Variants in ABCG2 observed in about 807,000 individuals in gnomAD.
The protein encoded by ABCG2 is broad substrate specificity ATP-binding cassette transporter ABCG2.
In ABCG2, 80 loss-of-function variants were observed where a neutral mutation model predicts 73.5. The ratio of observed to expected loss-of-function variants is 1.09; its 90% CI spans 0.91 to 1.31. ABCG2 has a LOEUF of 1.31. ABCG2 is among the 50% of genes most tolerant of loss of function. The pLI is 0.00. For synonymous variants in ABCG2, 269 were observed against 282.4 expected (o/e 0.95, Z 0.48); for missense variants, 796 against 786.2 (o/e 1.01, Z -0.15).
chr4:88,162,037 A>G (rs971867184), upstream of ABCG2, among the ~76,000 whole-genome samples: 9 of 151,806 alleles, frequency 5.9e-5, no homozygotes, highest in Non-Finnish European at 1.0e-4. Flanking sequence ...TTTTCTTGTA[A>G]ATTTGTACAA....
At chr4:88,119,697 C>G (rs1406932074) in intron 6 of ABCG2, among the ~76,000 whole-genome samples, 1 of 152,112 alleles carries the variant, frequency 6.6e-6, no homozygotes, top group Admixed American at 6.5e-5. Flanking sequence ...TGATTTAGAG[C>G]ATCTGGTAGA....
chr4:88,154,339 G>GTCC (rs1726769834), intron 1 of ABCG2, among the ~76,000 whole-genome samples: 3 of 152,198 alleles, frequency 2.0e-5, no homozygotes, highest in Admixed American at 2.0e-4. Context: ...GAGGACCCTT[G>GTCC]TGTAGTGAGG....
intron 1 of ABCG2, among the ~76,000 whole-genome samples, chr4:88,216,891 C>T (rs370173912): frequency 9.0e-4 from 137 of 151,874 alleles, no homozygotes; most frequent in African/African-American, 3.1e-3. Flanking sequence ...ATTAGCTGGG[C>T]GTGGTGGTGG....
At position 88,121,707 on chromosome 4, in the gene ABCG2, A is replaced by G; in HGVS notation, c.617T>C (p.Ile206Thr). 2 of 1,614,114 alleles carry G rather than the reference A, an allele frequency of 1.2e-6. No individual in the cohort carries two copies. The highest frequency in any genetic ancestry group is 8.5e-7 in the Non-Finnish European group (1 of 1,179,972). Residue 206 changes from isoleucine (I) to threonine (T), a missense_variant, in exon 6 of 16, where the codon ATC (isoleucine) becomes ACC (threonine). Ile to Thr is a moderately conservative substitution (Grantham distance 89). Coordinates refer to ENST00000237612, the MANE Select transcript of ABCG2 (RefSeq NM_004827.3). Reference protein sequence around the residue: ...IGMELITDPSILFLDEPTTGL... With the variant: ...IGMELITDPSTLFLDEPTTGL... Reference sequence around the variant, plus strand: ...AGTTGTAGGCTCATCCAAGAACAAGATGGAAGGATCAGTGATAAGCTCCAT... The same window carrying G: ...AGTTGTAGGCTCATCCAAGAACAAGGTGGAAGGATCAGTGATAAGCTCCAT...
chr4:88,179,659 A>G (rs888806508), intron 1 of ABCG2, among the ~76,000 whole-genome samples: 4 of 152,254 alleles, frequency 2.6e-5, no homozygotes, highest in African/African-American at 9.6e-5. Flanking sequence ...AATGAAATTC[A>G]AGATAACACA....
At chr4:88,127,401 C>A (rs554331620) in intron 5 of ABCG2, among the ~76,000 whole-genome samples, 1 of 152,038 alleles carries the variant, frequency 6.6e-6, no homozygotes, top group Non-Finnish European at 1.5e-5. Context: ...ACTTTCTTCA[C>A]AGAATTAGAA....
Position 88,139,657 on chromosome 4 carries a change from G to A in ABCG2, c.203+136C>T, listed in dbSNP as rs553358109. ...CACTCCTAGTTTAGCTAAAACAAAT[G>A]AAAGCATGTGTCTGTATATCTGTGC... On this transcript the variant is annotated intron_variant, in intron 2 of 15. Coordinates refer to ENST00000237612, the MANE Select transcript of ABCG2 (RefSeq NM_004827.3). 5.5e-5 allele frequency: 38 copies of A among 696,998 alleles called. No homozygotes were observed. The African/African-American group carries it at 6.3e-4, about 12-fold the overall frequency. 43.2% of individuals were successfully genotyped at this position (696,998 alleles called of 1,614,324 possible).
chr4:88,212,672 C>G (rs1020297932), intron 1 of ABCG2, among the ~76,000 whole-genome samples: 1 of 152,142 alleles, frequency 6.6e-6, no homozygotes, highest in Non-Finnish European at 1.5e-5. Context: ...TGCCTCACCC[C>G]TCACTGCTTT....
Position 88,178,702 on chromosome 4 carries a change from G to T in ABCG2, c.-19-38688C>A, listed in dbSNP as rs181620118. Among the ~76,000 whole-genome samples, 4 of 152,218 alleles carry T rather than the reference G, an allele frequency of 2.6e-5. No homozygotes were observed. In the East Asian group the frequency reaches 7.7e-4, roughly 29 times the overall value. ...GAGGGGAGCCCACTGCCTGAAGGGA[G>T]AGTCCCAAACCTAGCAGCATTCAAT... On this transcript the variant is annotated intron_variant, in intron 1 of 15. Coordinates refer to the ABCG2 transcript ENST00000515655.
chr4:88,158,768 G>A (rs1206463900), upstream of ABCG2: 3 of 367,006 alleles, frequency 8.2e-6, no homozygotes, highest in African/African-American at 2.2e-5. Context: ...GCCGGCGTGG[G>A]AGGCGCTGCG....
intron 1 of ABCG2, among the ~76,000 whole-genome samples, chr4:88,187,150 T>C (rs948627127): frequency 7.2e-6 from 1 of 138,906 alleles, no homozygotes; most frequent in South Asian, 2.3e-4. Context: ...GGGAAGGTAG[T>C]GTGGCAGGGG....
chr4:88,107,170 C>T lies in ABCG2; in HGVS notation c.1277+14G>A, dbSNP rs1722821249. The T allele has an allele frequency of 6.3e-7, 1 of 1,583,962 alleles. No homozygotes were observed. The highest frequency in any genetic ancestry group is 2.2e-5 in the East Asian group (1 of 44,618). On this transcript the variant is annotated intron_variant, in intron 10 of 15. Transcript: ENST00000237612. ...AACAGCATTTTCTGAAAATCAAGAT[C>T]CAAATTTACTTACCTGTTCTGGATT... is the stretch of plus-strand genomic sequence containing the variant.
intron 1 of ABCG2, among the ~76,000 whole-genome samples, chr4:88,144,872 T>C (rs1725878647): frequency 6.6e-6 from 1 of 152,090 alleles, no homozygotes; most frequent in Non-Finnish European, 1.5e-5. Flanking sequence ...TTACTCTTTA[T>C]CAAACTCTTA....
intron 1 of ABCG2, among the ~76,000 whole-genome samples, chr4:88,199,947 A>G (rs141914537): frequency 6.6e-6 from 1 of 152,184 alleles, no homozygotes; most frequent in African/African-American, 2.4e-5. Context: ...GCTTGCAGTG[A>G]GCAAGATCGC....
intron 8 of ABCG2, among the ~76,000 whole-genome samples, 157 bp downstream of exon 8, chr4:88,114,800 C>A (rs1723412844): frequency 6.6e-6 from 1 of 151,970 alleles, no homozygotes; most frequent in African/African-American, 2.4e-5. Flanking sequence ...TCAAAAACAC[C>A]AACAGCACTC....
chr4:88,113,515 G>A lies in ABCG2; in HGVS notation c.982C>T (p.Leu328Phe). Residue 328 changes from leucine (L) to phenylalanine (F), a missense_variant, in exon 9 of 16, where the codon CTC (leucine) becomes TTC (phenylalanine). Physicochemically the swap from Leu to Phe is conservative, Grantham distance 22 (BLOSUM62 0). Transcript: ENST00000237612. ...IIEPSKQDKP[L>F]IEKLAEIYVN... ...TAAATCTCCGCTAATTTTTCTATGA[G>A]TGGCTTATCCTGCTTGGAAGGCTCT... is the stretch of plus-strand genomic sequence containing the variant. 1 of 1,614,078 alleles carries A rather than the reference G, an allele frequency of 6.2e-7. No homozygotes were observed. The highest frequency in any genetic ancestry group is 8.5e-7 in the Non-Finnish European group (1 of 1,180,028).
At chr4:88,121,916 A>T in intron 5 of ABCG2, 124 bp from the exon 6 acceptor site, 1 of 917,192 alleles carries the variant, frequency 1.1e-6, no homozygotes, top group Non-Finnish European at 1.6e-6. Context: ...TCTGAACAGC[A>T]AATAAGTGGA....
intron 1 of ABCG2, among the ~76,000 whole-genome samples, chr4:88,209,155 C>G (rs1244343974): frequency 6.7e-6 from 1 of 150,336 alleles, no homozygotes; most frequent in Admixed American, 6.6e-5. Flanking sequence ...ACTAAAAATA[C>G]AAAAATTAGC....
chr4:88,177,235 ATG>A (rs1262717885), intron 1 of ABCG2, among the ~76,000 whole-genome samples: 1 of 151,962 alleles, frequency 6.6e-6, no homozygotes, highest in Non-Finnish European at 1.5e-5. Flanking sequence ...ATTAGCCAGC[ATG>A]GTGGCAGGCG....
Sources: gnomAD v4.1 joint callset for allele counts (sites outside exome capture counted in the v4.1 genomes callset) on GRCh38, gnomAD v4.1.1 for gene constraint, MANE v1.5 for transcripts, NCBI Gene and HGNC (gene_info 2026-07-23, HGNC 2026-07-21) for gene names.